MROH9: variants seen among roughly 807,000 people sequenced by gnomAD.
The protein encoded by MROH9 is maestro heat-like repeat-containing protein family member 9.
MROH9 carries 92 observed loss-of-function variants against 98.2 expected under a neutral mutation model. The ratio of observed to expected loss-of-function variants is 0.94; its 90% CI spans 0.79 to 1.11. The LOEUF (loss-of-function observed/expected upper bound fraction) is 1.11, where lower values mean the gene tolerates loss of function less well. Ranked by LOEUF, MROH9 falls within the 50% of genes most tolerant of loss-of-function variation. The pLI is 0.00. For synonymous variants in MROH9, 397 were observed against 368.9 expected (o/e 1.08, Z -0.87); for missense variants, 1,057 against 1,014.8 (o/e 1.04, Z -0.57).
chr1:170,936,759 G>A (rs1648900648), intron 1 of MROH9, among the ~76,000 whole-genome samples: 1 of 152,130 alleles, frequency 6.6e-6, no homozygotes, highest in Admixed American at 6.5e-5. Context: ...AGAGACCGAT[G>A]GGGTTGAGAA....
At chr1:170,997,411 C>A (rs1394785346) in intron 14 of MROH9, among the ~76,000 whole-genome samples, 1 of 152,026 alleles carries the variant, frequency 6.6e-6, no homozygotes, top group Non-Finnish European at 1.5e-5. Context: ...AAAGTGGGGT[C>A]CACAGACAAG....
At chr1:170,954,811 G>C (rs61815212) in intron 3 of MROH9, among the ~76,000 whole-genome samples, 20 of 151,618 alleles carry the variant, frequency 1.3e-4, no homozygotes, top group African/African-American at 4.6e-4. Context: ...CCTATTCACC[G>C]TTTATATGCC....
intron 2 of MROH9, 26 bp downstream of exon 2, chr1:170,945,607 T>C: frequency 6.2e-7 from 1 of 1,605,514 alleles, no homozygotes; most frequent in Non-Finnish European, 8.5e-7. Flanking sequence ...ACAATAGAGA[T>C]GGGAGAAGGT....
chr1:170,986,787 C>T lies in MROH9; in HGVS notation c.879+77C>T, dbSNP rs750521415. 469 of 1,415,458 alleles carry T rather than the reference C, an allele frequency of 3.3e-4. 2 individuals are homozygous for T. Among genetic ancestry groups the T allele is most frequent in the Admixed American group, 4.5e-4 (21 of 47,184 alleles). The allele number at this position is 1,415,458 out of a possible 1,614,324, so 87.7% of individuals were successfully genotyped here. On this transcript the variant is annotated intron_variant, in intron 10 of 21. Transcript: ENST00000367759. ...CATTTTTGCCTGTGTTGTATGTCCA[C>T]TTCTTTTTATATGTATTTCTTGTCA...
At chr1:171,024,831 G>A in intron 19 of MROH9, 66 bp downstream of exon 19, 2 of 941,472 alleles carry the variant, frequency 2.1e-6, no homozygotes, top group East Asian at 5.3e-5. Flanking sequence ...TATCCAAAGT[G>A]ATAAAAACTG....
intron 15 of MROH9, among the ~76,000 whole-genome samples, chr1:171,001,036 C>T (rs1424934566): frequency 6.6e-6 from 1 of 151,982 alleles, no homozygotes; most frequent in African/African-American, 2.4e-5. Context: ...TAAAGGTGTT[C>T]ATAGTAGCCT....
intron 20 of MROH9, among the ~76,000 whole-genome samples, chr1:171,045,282 G>A (rs1653438472): frequency 6.6e-6 from 1 of 151,794 alleles, no homozygotes. Context: ...TTACAGGCAT[G>A]CGCCACCGTG....
intron 17 of MROH9, among the ~76,000 whole-genome samples, chr1:171,023,757 G>A (rs185294897): frequency 3.0e-3 from 448 of 151,486 alleles, no homozygotes; most frequent in Non-Finnish European, 4.7e-3. Flanking sequence ...TGTGTGTGGT[G>A]AGAACGTTTG....
At chr1:171,015,985 T>A (rs1652309580) in intron 16 of MROH9, among the ~76,000 whole-genome samples, 178 bp from the exon 17 acceptor site, 2 of 152,184 alleles carry the variant, frequency 1.3e-5, no homozygotes, top group South Asian at 4.1e-4. Flanking sequence ...ATAATTTAAT[T>A]TTCAATAATT....
At chr1:170,970,731 T>TGTGTGTGTGTGTGAGAGAGA (rs1491154307) in intron 7 of MROH9, among the ~76,000 whole-genome samples, 4 of 90,874 alleles carry the variant, frequency 4.4e-5, no homozygotes, top group African/African-American at 1.7e-4. Context: ...TGTGTGTGTG[T>TGTGTGTGTGTGTGAGAGAGA]GAGAGAGAGA....
At chr1:171,056,411 A>C (rs1169969035) in intron 20 of MROH9, among the ~76,000 whole-genome samples, 1 of 152,162 alleles carries the variant, frequency 6.6e-6, no homozygotes, top group Non-Finnish European at 1.5e-5. Context: ...ACCCTGACTC[A>C]TCCTTCCTCA....
chr1:170,955,702 A>G (rs1649732770), intron 3 of MROH9, among the ~76,000 whole-genome samples: 1 of 152,080 alleles, frequency 6.6e-6, no homozygotes, highest in Admixed American at 6.6e-5. Flanking sequence ...TTTGTTGTAG[A>G]TTCTGCATAT....
intron 20 of MROH9, among the ~76,000 whole-genome samples, chr1:171,051,505 A>G (rs140702511): frequency 1.3e-5 from 2 of 152,274 alleles, no homozygotes; most frequent in East Asian, 3.9e-4. Flanking sequence ...ACAAAACATC[A>G]CATATTCTCA....
At chr1:171,031,247 CTG>C (rs923400804) in intron 20 of MROH9, among the ~76,000 whole-genome samples, 11 of 152,284 alleles carry the variant, frequency 7.2e-5, no homozygotes, top group African/African-American at 2.2e-4. Context: ...ATTTGCCAGT[CTG>C]TGTCTTTTAA....
chr1:170,961,847 T>G (rs770392951), intron 5 of MROH9, 43 bp from the exon 6 acceptor site: 1 of 1,061,880 alleles, frequency 9.4e-7, no homozygotes, highest in South Asian at 1.8e-5. Flanking sequence ...TAGGTAAAAT[T>G]TTATCTAAGT....
intron 8 of MROH9, among the ~76,000 whole-genome samples, chr1:170,975,871 C>T (rs1650665327): frequency 6.6e-6 from 1 of 152,108 alleles, no homozygotes; most frequent in African/African-American, 2.4e-5. Context: ...GTTAAGTCTT[C>T]CCATTGAATT....
intron 3 of MROH9, among the ~76,000 whole-genome samples, chr1:170,953,429 A>G (rs1649633258): frequency 1.3e-5 from 2 of 151,864 alleles, no homozygotes. Flanking sequence ...ACTTTTCCTA[A>G]CCAAAAATGG....
intron 9 of MROH9, among the ~76,000 whole-genome samples, chr1:170,986,052 C>T (rs936305503): frequency 6.6e-6 from 1 of 151,924 alleles, no homozygotes; most frequent in East Asian, 1.9e-4. Context: ...ATTTTACAAT[C>T]CATGGATAGT....
intron 12 of MROH9, 110 bp from the exon 13 acceptor site, chr1:170,995,279 A>G: frequency 1.7e-6 from 2 of 1,173,288 alleles, no homozygotes; most frequent in South Asian, 1.4e-5. Flanking sequence ...GTTTTCTTCA[A>G]GGAGGCTGAA....
Sources: allele counts gnomAD v4.1 joint callset (sites outside exome capture counted in the v4.1 genomes callset), GRCh38; gene constraint gnomAD v4.1.1; transcripts MANE v1.5; gene names NCBI Gene and HGNC (gene_info 2026-07-23, HGNC 2026-07-21).